Variants in PAM observed in about 807,000 individuals in gnomAD.
PAM encodes the protein peptidyl-glycine alpha-amidating monooxygenase.
A neutral mutation model predicts 122.1 loss-of-function variants in PAM; 72 were observed. The ratio of observed to expected loss-of-function variants is 0.59; its 90% CI spans 0.49 to 0.72. The LOEUF is 0.72. Ranked by LOEUF, PAM falls within the 30% of genes least tolerant of loss-of-function variation. The pLI, the probability that PAM is intolerant of heterozygous loss-of-function variation, is 0.00. For synonymous variants in PAM, 389 were observed against 404.4 expected, an observed-to-expected ratio of 0.96 and a Z score of 0.46; for missense variants, 1,106 against 1,183.7, an observed-to-expected ratio of 0.93 and a Z score of 0.96.
chr5:102,923,560 A>G (rs1191160303), intron 5 of PAM, among the ~76,000 whole-genome samples: 1 of 152,234 alleles, frequency 6.6e-6, no homozygotes, highest in East Asian at 1.9e-4. Flanking sequence ...GTAGCCTAAC[A>G]ATGTTTGGAT....
At chr5:102,843,397 T>TA (rs1167224895) in intron 1 of PAM, among the ~76,000 whole-genome samples, 1 of 152,006 alleles carries the variant, frequency 6.6e-6, no homozygotes, top group Non-Finnish European at 1.5e-5. Flanking sequence ...GAGTTAAATG[T>TA]AAAAAATAAA....
At chr5:103,027,534 G>C (rs1263820448) in intron 24 of PAM, among the ~76,000 whole-genome samples, 1 of 152,166 alleles carries the variant, frequency 6.6e-6, no homozygotes, top group Non-Finnish European at 1.5e-5. Context: ...TCCCCATAAG[G>C]AAAGAGAGTC....
chr5:102,857,374 G>T (rs1230733167), intron 1 of PAM, among the ~76,000 whole-genome samples: 6 of 152,100 alleles, frequency 3.9e-5, no homozygotes, highest in African/African-American at 1.2e-4. Context: ...GGAAATCTGG[G>T]TTTTATATGA....
At chr5:102,774,879 G>A (rs982676225) in intron 1 of PAM, among the ~76,000 whole-genome samples, 3 of 151,868 alleles carry the variant, frequency 2.0e-5, no homozygotes, top group African/African-American at 7.3e-5. Context: ...ATTTCAGTTA[G>A]TGAAGATAAA....
At chr5:102,860,716 C>T (rs942927090) in intron 1 of PAM, among the ~76,000 whole-genome samples, 1 of 151,828 alleles carries the variant, frequency 6.6e-6, no homozygotes, top group Non-Finnish European at 1.5e-5. Flanking sequence ...ATAACCGCTT[C>T]ACCAAAACAT....
intron 1 of PAM, among the ~76,000 whole-genome samples, chr5:102,763,183 C>G (rs1292979510): frequency 6.6e-6 from 1 of 152,162 alleles, no homozygotes; most frequent in Non-Finnish European, 1.5e-5. Flanking sequence ...TTTCAGCTTG[C>G]ATTGTCCTGG....
chr5:103,028,064 C>T (rs975700262), intron 24 of PAM, 121 bp from the exon 25 acceptor site: 1 of 729,258 alleles, frequency 1.4e-6, no homozygotes. Flanking sequence ...GAATTGCATA[C>T]AGACAAGAGC....
intron 4 of PAM, among the ~76,000 whole-genome samples, chr5:102,906,071 A>G (rs183440676): frequency 6.6e-6 from 1 of 151,790 alleles, no homozygotes; most frequent in Admixed American, 6.6e-5. Flanking sequence ...AACGTCTTCT[A>G]TCCTTTGGTC....
chr5:102,965,787 C>G (rs1364919680), intron 14 of PAM, among the ~76,000 whole-genome samples: 1 of 151,990 alleles, frequency 6.6e-6, no homozygotes, highest in Non-Finnish European at 1.5e-5. Context: ...TAAAGGTCTT[C>G]GGACACCTTC....
chr5:102,887,886 C>G (rs1793632425), intron 3 of PAM, among the ~76,000 whole-genome samples: 1 of 151,918 alleles, frequency 6.6e-6, no homozygotes, highest in Non-Finnish European at 1.5e-5. Flanking sequence ...CTGGGCATCA[C>G]TTTCTCAAAG....
chr5:102,874,442 G>A (rs1409577725), intron 3 of PAM, among the ~76,000 whole-genome samples: 1 of 151,472 alleles, frequency 6.6e-6, no homozygotes, highest in Non-Finnish European at 1.5e-5. Flanking sequence ...GTTCTCTTAG[G>A]GAAGATACGA....
intron 15 of PAM, chr5:102,974,907 TA>T (rs1767104590): frequency 6.6e-6 from 1 of 152,524 alleles, no homozygotes; most frequent in South Asian, 2.1e-4. Context: ...AGTTGACTTG[TA>T]AAATATAACC....
At chr5:102,943,269 G>GT (rs1755896622) in intron 7 of PAM, among the ~76,000 whole-genome samples, 1 of 152,138 alleles carries the variant, frequency 6.6e-6, no homozygotes, top group South Asian at 2.1e-4. Flanking sequence ...ATCTAAGAAC[G>GT]TAAGATGTAG....
At chr5:102,913,828 C>A in intron 4 of PAM, 106 bp from the exon 5 acceptor site, 2 of 664,192 alleles carry the variant, frequency 3.0e-6, no homozygotes, top group Non-Finnish European at 2.7e-6. Context: ...AACATCAAAA[C>A]ATCTTTGTTA....
intron 15 of PAM, among the ~76,000 whole-genome samples, chr5:102,981,656 GTT>G (rs1384050991): frequency 6.6e-6 from 1 of 152,204 alleles, no homozygotes; most frequent in Non-Finnish European, 1.5e-5. Flanking sequence ...ATTCTGTCTA[GTT>G]GTAGCAGTTC....
At chr5:103,023,612 T>A (rs2151332475) in intron 23 of PAM, among the ~76,000 whole-genome samples, 1 of 152,198 alleles carries the variant, frequency 6.6e-6, no homozygotes, top group African/African-American at 2.4e-5. Context: ...TTTCTAGGTC[T>A]ATGAACCACT....
intron 14 of PAM, among the ~76,000 whole-genome samples, chr5:102,971,574 T>C (rs1301495970): frequency 3.3e-5 from 5 of 152,118 alleles, no homozygotes; most frequent in African/African-American, 1.2e-4. Flanking sequence ...GCTAGTTTAT[T>C]AGTGGGGAGG....
At position 102,998,973 on chromosome 5, in the gene PAM, G is replaced by T. The variant is rs562743933; in HGVS notation, c.1614-4060G>T. Reference sequence around the variant, plus strand: ...TTAATTGACTCAGTTCAGCATGGCTGGTGAAGCCTCAGGAAACTTACAATC... The same window carrying T: ...TTAATTGACTCAGTTCAGCATGGCTTGTGAAGCCTCAGGAAACTTACAATC... On this transcript the variant is annotated intron_variant, in intron 16 of 25. Coordinates refer to ENST00000438793, the MANE Select transcript of PAM (RefSeq NM_001177306.2). Among the ~76,000 whole-genome samples the T allele has an allele frequency of 1.2e-3, 190 of 152,282 alleles. 1 individual carries two copies. Among genetic ancestry groups the T allele is most frequent in the Middle Eastern group, 6.8e-3 (2 of 294 alleles).
At chr5:102,770,929 A>G (rs1219298755) in intron 1 of PAM, among the ~76,000 whole-genome samples, 2 of 152,084 alleles carry the variant, frequency 1.3e-5, no homozygotes, top group African/African-American at 2.4e-5. Context: ...AGTCCATGAA[A>G]AATAGCTTTG....
Sources: allele counts gnomAD v4.1 joint callset (sites outside exome capture counted in the v4.1 genomes callset), GRCh38; gene constraint gnomAD v4.1.1; transcripts MANE v1.5; gene names NCBI Gene and HGNC (gene_info 2026-07-23, HGNC 2026-07-21).